ZFYVE9: variants seen among roughly 807,000 people sequenced by gnomAD.
ZFYVE9 encodes zinc finger FYVE-type containing 9.
ZFYVE9 carries 43 observed loss-of-function variants against 126.7 expected under a neutral mutation model. That is an observed-to-expected ratio of 0.34 (90% CI 0.27 to 0.44). The LOEUF (loss-of-function observed/expected upper bound fraction) is 0.44, where lower values mean the gene tolerates loss of function less well. ZFYVE9 is among the 20% of genes least tolerant of loss of function. The probability of loss-of-function intolerance (pLI) is 1.00; values close to 1 mark genes in which losing one functional copy is unlikely to be tolerated. For synonymous variants in ZFYVE9, 521 were observed against 597.4 expected (o/e 0.87, Z 1.87); for missense variants, 1,476 against 1,697.0 (o/e 0.87, Z 2.29).
chr1:52,301,673 T>C (rs1646036798), intron 12 of ZFYVE9, among the ~76,000 whole-genome samples: 1 of 152,180 alleles, frequency 6.6e-6, no homozygotes, highest in Admixed American at 6.5e-5. Context: ...TGTGCCATAG[T>C]GTAGTTTTCA....
chr1:52,319,286 G>A (rs1195826112), intron 13 of ZFYVE9, among the ~76,000 whole-genome samples: 1 of 152,114 alleles, frequency 6.6e-6, no homozygotes, highest in Non-Finnish European at 1.5e-5. Context: ...AAATTGATCT[G>A]TAGCTTCAAC....
intron 1 of ZFYVE9, among the ~76,000 whole-genome samples, chr1:52,204,152 G>A (rs1301379565): frequency 1.3e-5 from 2 of 151,858 alleles, no homozygotes; most frequent in African/African-American, 4.8e-5. Context: ...TTGAGTAAGA[G>A]GAACTGCTGA....
intron 4 of ZFYVE9, chr1:52,254,286 T>C (rs1263420132): frequency 5.7e-6 from 1 of 174,774 alleles, no homozygotes; most frequent in Admixed American, 6.2e-5. Flanking sequence ...ATTTGCAACT[T>C]TATATATATT....
intron 7 of ZFYVE9, among the ~76,000 whole-genome samples, chr1:52,273,252 C>T (rs1645712566): frequency 6.6e-6 from 1 of 152,024 alleles, no homozygotes; most frequent in Non-Finnish European, 1.5e-5. Context: ...GGTGATCCAC[C>T]CACCTCAGAC....
chr1:52,293,454 G>T lies in ZFYVE9; in HGVS notation c.3027G>T (p.Gly1009=). 6.2e-7 allele frequency: 1 copy of T among 1,608,292 alleles called. No individual in the cohort carries two copies. The highest frequency in any genetic ancestry group is 1.1e-5 in the South Asian group (1 of 89,694). The stretch of plus-strand genomic sequence containing the variant: ...GCTAATAAACTTTTTTGTTTTTAGG[G>T]AATGTGGTGAGCAACTTGGGACATT... ...FVQLYRDALA[G]NVVSNLGHSF... is the part of the protein sequence containing the mutation. The change falls in exon 11 of 19, where the codon GGG becomes GGT. Residue 1009 remains glycine (G), a splice_region_variant and synonymous_variant. Coordinates refer to ENST00000287727, the MANE Select transcript of ZFYVE9 (RefSeq NM_004799.4).
At position 52,281,757 on chromosome 1, in the gene ZFYVE9, A is replaced by G; in HGVS notation, c.2966A>G (p.Lys989Arg). Reference sequence around the variant, plus strand: ...CTTCTACAGTGTTTACCGGATGAAAAGTGTTTGCCAAAGGATATCTTTAAT... The same window carrying G: ...CTTCTACAGTGTTTACCGGATGAAAGGTGTTTGCCAAAGGATATCTTTAAT... ...VILLQCLPDE[K>R]CLPKDIFNHF... Residue 989 changes from lysine to arginine, a missense_variant, in exon 10 of 19, where the codon AAG becomes AGG. By Grantham distance (26) the Lys-to-Arg change is conservative. Around this residue, in one of 2 missense-constraint regions of ZFYVE9, gnomAD observed 669 missense variants for 902.4 expected, o/e 0.74. Transcript: ENST00000287727. 1.2e-6 allele frequency: 2 copies of G among 1,614,176 alleles called. No homozygotes were observed. Among genetic ancestry groups the G allele is most frequent in the Non-Finnish European group, 1.7e-6 (2 of 1,180,022 alleles).
intron 1 of ZFYVE9, among the ~76,000 whole-genome samples, chr1:52,171,389 C>G (rs184841195): frequency 1.2e-4 from 19 of 152,240 alleles, no homozygotes; most frequent in African/African-American, 4.1e-4. Flanking sequence ...TTTCTTAATC[C>G]ACTATATCAT....
At chr1:52,259,674 G>A (rs955186604) in intron 4 of ZFYVE9, among the ~76,000 whole-genome samples, 4 of 150,942 alleles carry the variant, frequency 2.7e-5, no homozygotes, top group African/African-American at 4.9e-5. Flanking sequence ...GTGCACACCT[G>A]TAATCCCAGC....
At chr1:52,190,585 C>T (rs1367616314) in intron 1 of ZFYVE9, among the ~76,000 whole-genome samples, 1 of 152,148 alleles carries the variant, frequency 6.6e-6, no homozygotes. Flanking sequence ...TTTTCAGTTT[C>T]ATCAATAGTA....
chr1:52,266,405 T>TTAAAAAAAAAAAAA (rs1181730554), intron 5 of ZFYVE9, among the ~76,000 whole-genome samples: 1 of 85,628 alleles, frequency 1.2e-5, no homozygotes, highest in African/African-American at 4.8e-5. Flanking sequence ...TCTAATTCTT[T>TTAAAAAAAAAAAAA]AAAAAAAAAA....
At chr1:52,265,586 C>G (rs982952821) in intron 5 of ZFYVE9, among the ~76,000 whole-genome samples, 22 of 152,150 alleles carry the variant, frequency 1.4e-4, no homozygotes, top group African/African-American at 4.6e-4. Flanking sequence ...TACACAGAAT[C>G]TTAATGTATT....
At chr1:52,248,667 T>C (rs1238316918) in intron 4 of ZFYVE9, among the ~76,000 whole-genome samples, 3 of 152,258 alleles carry the variant, frequency 2.0e-5, no homozygotes, top group African/African-American at 7.2e-5. Flanking sequence ...CATTTATCCA[T>C]CAATGGACAC....
intron 7 of ZFYVE9, among the ~76,000 whole-genome samples, chr1:52,269,774 T>C (rs1437282084): frequency 6.6e-6 from 1 of 151,976 alleles, no homozygotes; most frequent in Admixed American, 6.6e-5. Flanking sequence ...CCCCAACTGT[T>C]TTTTTGTTTG....
intron 12 of ZFYVE9, among the ~76,000 whole-genome samples, chr1:52,296,971 T>C (rs987225321): frequency 2.6e-5 from 4 of 152,168 alleles, no homozygotes; most frequent in Non-Finnish European, 5.9e-5. Context: ...CACACCCAGC[T>C]AATTTTTGTA....
intron 10 of ZFYVE9, among the ~76,000 whole-genome samples, chr1:52,286,045 A>G (rs1174442233): frequency 6.6e-6 from 1 of 151,900 alleles, no homozygotes; most frequent in Non-Finnish European, 1.5e-5. Flanking sequence ...CATCCCAGCT[A>G]CTTGGGAGGC....
At chr1:52,219,824 C>G (rs1429073834) in intron 2 of ZFYVE9, among the ~76,000 whole-genome samples, 1 of 139,154 alleles carries the variant, frequency 7.2e-6, no homozygotes, top group South Asian at 2.3e-4. Flanking sequence ...ACTCTGTCGC[C>G]CGGGCTGGAG....
intron 1 of ZFYVE9, among the ~76,000 whole-genome samples, chr1:52,167,868 T>C (rs1644527784): frequency 6.6e-6 from 1 of 152,212 alleles, no homozygotes; most frequent in Non-Finnish European, 1.5e-5. Context: ...CTTTGGAACA[T>C]TCAGATCCTG....
intron 4 of ZFYVE9, among the ~76,000 whole-genome samples, chr1:52,254,397 C>T (rs1245348948): frequency 7.2e-6 from 1 of 139,634 alleles, no homozygotes; most frequent in South Asian, 2.2e-4. Context: ...AAAAAAAAAG[C>T]CATATGTGTG....
intron 4 of ZFYVE9, among the ~76,000 whole-genome samples, chr1:52,262,711 T>A (rs1645591140): frequency 6.6e-6 from 1 of 152,222 alleles, no homozygotes; most frequent in African/African-American, 2.4e-5. Context: ...AAGTAGAATT[T>A]ATCCTACTGG....
Sources: gnomAD v4.1 joint callset for allele counts (sites outside exome capture counted in the v4.1 genomes callset) on GRCh38, gnomAD v4.1.1 for gene constraint, gnomAD v4.1.1 regional missense constraint, MANE v1.5 for transcripts, NCBI Gene and HGNC (gene_info 2026-07-23, HGNC 2026-07-21) for gene names.